Variants in PRKG1 observed in about 807,000 individuals in gnomAD.
PRKG1 encodes protein kinase cGMP-dependent 1.
Under a neutral mutation model 88.1 loss-of-function variants are expected in PRKG1, and 35 were observed. The observed-to-expected ratio is 0.40, with a 90% CI of 0.30 to 0.53. The LOEUF is 0.53. Ranked by LOEUF, PRKG1 falls within the 20% of genes least tolerant of loss-of-function variation. The probability of loss-of-function intolerance (pLI) is 0.59; values close to 1 mark genes in which losing one functional copy is unlikely to be tolerated. For missense variants in PRKG1, 540 were observed against 839.8 expected (o/e 0.64, Z 4.41); for synonymous variants, 303 against 292.5 (o/e 1.04, Z -0.37).
At chr10:51,118,956 AT>A (rs1271715626) in intron 1 of PRKG1, among the ~76,000 whole-genome samples, 5 of 152,134 alleles carry the variant, frequency 3.3e-5, no homozygotes, top group Non-Finnish European at 7.4e-5. Flanking sequence ...TTACTGTTAC[AT>A]TTTAGAAAAA....
intron 6 of PRKG1, among the ~76,000 whole-genome samples, chr10:52,062,228 T>C (rs7077500): frequency 0.21 from 32,429 of 152,088 alleles, 3,738 homozygotes; most frequent in South Asian, 0.27. Context: ...CTCACCAAGT[T>C]CATTATAGTG....
At chr10:51,929,846 T>C (rs1842652606) in intron 5 of PRKG1, among the ~76,000 whole-genome samples, 1 of 152,180 alleles carries the variant, frequency 6.6e-6, no homozygotes, top group Admixed American at 6.5e-5. Context: ...GGACATGTTA[T>C]TTTCACCTTT....
chr10:52,293,821 C>A lies in PRKG1; in HGVS notation c.1982C>A (p.Thr661Lys), dbSNP rs370924713. The A allele has an allele frequency of 1.9e-6, 3 of 1,613,116 alleles. No individual in the cohort carries two copies. In the African/African-American group the frequency reaches 4.0e-5, roughly 22 times the overall value. Residue 661 changes from threonine to lysine, a missense_variant, in exon 18 of 18, where the codon ACA becomes AAA. Physicochemically the swap from Thr to Lys is moderately conservative, Grantham distance 78 (BLOSUM62 -1). Transcript: ENST00000373980. ...TTACAGGTTGCATCACCCACAGACA[C>A]AAGTAATTTTGACAGTTTCCCTGAG... is the stretch of plus-strand genomic sequence containing the variant. Reference protein sequence around the residue: ...IIPSVASPTDTSNFDSFPEDN... With the variant: ...IIPSVASPTDKSNFDSFPEDN...
chr10:51,944,636 G>A (rs1328109187), intron 5 of PRKG1, among the ~76,000 whole-genome samples: 1 of 152,066 alleles, frequency 6.6e-6, no homozygotes, highest in Non-Finnish European at 1.5e-5. Flanking sequence ...ATGTGTCCCA[G>A]AGATTCTGGT....
intron 3 of PRKG1, among the ~76,000 whole-genome samples, chr10:51,521,824 G>A (rs377226711): frequency 5.3e-5 from 8 of 152,308 alleles, no homozygotes; most frequent in South Asian, 2.1e-4. Context: ...AATGAAAGTC[G>A]TGTGAATAAT....
intron 3 of PRKG1, among the ~76,000 whole-genome samples, chr10:51,792,238 G>A (rs1203782808): frequency 1.3e-5 from 2 of 151,794 alleles, no homozygotes; most frequent in Admixed American, 1.3e-4. Flanking sequence ...ATTATCTGTG[G>A]GCTTCTTGAC....
At chr10:51,919,667 G>GC (rs1842420034) in intron 5 of PRKG1, among the ~76,000 whole-genome samples, 2 of 145,684 alleles carry the variant, frequency 1.4e-5, no homozygotes, top group African/African-American at 2.4e-5. Context: ...AAATTGAACA[G>GC]CCCCCCACCT....
intron 3 of PRKG1, among the ~76,000 whole-genome samples, chr10:51,690,969 G>A (rs1024987496): frequency 2.8e-5 from 4 of 141,848 alleles, no homozygotes; most frequent in Non-Finnish European, 3.1e-5. Flanking sequence ...GTTCCATTAT[G>A]TATACTATCC....
chr10:51,137,253 G>T (rs1043162115), intron 1 of PRKG1, among the ~76,000 whole-genome samples: 1 of 152,112 alleles, frequency 6.6e-6, no homozygotes, highest in Non-Finnish European at 1.5e-5. Context: ...GGGGGGCAGG[G>T]AGGAGTGGTA....
intron 3 of PRKG1, among the ~76,000 whole-genome samples, chr10:51,689,367 C>T (rs1804422765): frequency 6.6e-6 from 1 of 151,928 alleles, no homozygotes; most frequent in African/African-American, 2.4e-5. Context: ...TATGTTTGTG[C>T]CTATATGCAT....
At chr10:51,076,163 T>C (rs1359817988) in intron 1 of PRKG1, among the ~76,000 whole-genome samples, 1 of 152,186 alleles carries the variant, frequency 6.6e-6, no homozygotes, top group Non-Finnish European at 1.5e-5. Flanking sequence ...AAACTTAGAG[T>C]TATACCTATA....
At chr10:51,972,200 T>C (rs1257922253) in intron 5 of PRKG1, among the ~76,000 whole-genome samples, 2 of 152,222 alleles carry the variant, frequency 1.3e-5, no homozygotes, top group Non-Finnish European at 2.9e-5. Flanking sequence ...TAAATGGTCC[T>C]ATACTTTGTG....
intron 5 of PRKG1, among the ~76,000 whole-genome samples, chr10:51,941,289 G>A (rs957188946): frequency 1.3e-5 from 2 of 151,918 alleles, no homozygotes; most frequent in African/African-American, 4.8e-5. Context: ...CACCAACTAT[G>A]AGACTTAAGA....
intron 1 of PRKG1, among the ~76,000 whole-genome samples, chr10:51,030,745 A>AC (rs1272649727): frequency 6.9e-6 from 1 of 145,844 alleles, no homozygotes; most frequent in Non-Finnish European, 1.5e-5. Flanking sequence ...AGCCTGAAAA[A>AC]CCCCCCTCTC....
intron 2 of PRKG1, chr10:51,306,837 C>T (rs1003208448): frequency 1.3e-5 from 2 of 152,152 alleles, no homozygotes; most frequent in African/African-American, 4.8e-5. Flanking sequence ...CCTCAAAACT[C>T]CTCTAAGGAA....
intron 3 of PRKG1, among the ~76,000 whole-genome samples, chr10:51,542,853 A>G (rs1842342758): frequency 6.6e-6 from 1 of 152,184 alleles, no homozygotes. Flanking sequence ...ACCTCTTACC[A>G]CGTCTATAAT....
intron 1 of PRKG1, among the ~76,000 whole-genome samples, chr10:51,022,681 T>C (rs1843154694): frequency 1.3e-5 from 2 of 152,202 alleles, no homozygotes; most frequent in Non-Finnish European, 2.9e-5. Context: ...TGAATTATTA[T>C]TATTTTTCCC....
At chr10:51,159,356 A>G (rs571228602) in intron 2 of PRKG1, among the ~76,000 whole-genome samples, 24 of 152,164 alleles carry the variant, frequency 1.6e-4, no homozygotes, top group South Asian at 8.3e-4. Flanking sequence ...CTTTACAATC[A>G]GATGTTGCCT....
chr10:51,323,553 G>A (rs1383968862), intron 2 of PRKG1, among the ~76,000 whole-genome samples: 1 of 152,194 alleles, frequency 6.6e-6, no homozygotes, highest in Non-Finnish European at 1.5e-5. Context: ...CATACACATA[G>A]TAAGACCTTC....
Sources: gnomAD v4.1 joint callset for allele counts (sites outside exome capture counted in the v4.1 genomes callset) on GRCh38, gnomAD v4.1.1 for gene constraint, MANE v1.5 for transcripts, NCBI Gene and HGNC (gene_info 2026-07-23, HGNC 2026-07-21) for gene names.